THSD7A: variants seen among roughly 807,000 people sequenced by gnomAD.
THSD7A encodes the protein thrombospondin type-1 domain-containing protein 7A.
Under a neutral mutation model 231.3 loss-of-function variants are expected in THSD7A, and 96 were observed. That is an observed-to-expected ratio of 0.41 (90% CI 0.35 to 0.49). The LOEUF is 0.49. THSD7A is among the 20% of genes least tolerant of loss of function. The probability of loss-of-function intolerance (pLI) is 0.05; values close to 1 mark genes in which losing one functional copy is unlikely to be tolerated. For synonymous variants in THSD7A, 940 were observed against 743.3 expected (o/e 1.26, Z -4.30); for missense variants, 2,290 against 2,070.2 (o/e 1.11, Z -2.06).
At chr7:11,678,752 C>T (rs1201555734) in intron 1 of THSD7A, among the ~76,000 whole-genome samples, 2 of 152,198 alleles carry the variant, frequency 1.3e-5, no homozygotes, top group East Asian at 1.9e-4. Context: ...GATTCACAGC[C>T]GAATTCTACC....
chr7:11,506,873 C>A (rs1043919602), intron 6 of THSD7A, among the ~76,000 whole-genome samples: 3 of 138,396 alleles, frequency 2.2e-5, no homozygotes, highest in African/African-American at 5.3e-5. Context: ...ATCACCGTAC[C>A]CCTTTGTTTT....
intron 6 of THSD7A, among the ~76,000 whole-genome samples, chr7:11,510,452 C>A (rs1003551256): frequency 3.3e-5 from 5 of 152,144 alleles, no homozygotes; most frequent in African/African-American, 4.8e-5. Context: ...GATACCAAAG[C>A]CTGGCAGACA....
In THSD7A at chr7:11,406,851, C is replaced by T; in HGVS notation, c.4062+59G>A. 2 of 1,559,676 alleles carry T rather than the reference C, an allele frequency of 1.3e-6. No homozygotes were observed. The highest frequency in any genetic ancestry group is 2.3e-5 in the East Asian group (1 of 44,194). Reference sequence around the variant, plus strand: ...AACACATTATTTTTATGTTTTTCTGCAGATGAAGTCTCTGCAGATAGAGTA... The same window carrying T: ...AACACATTATTTTTATGTTTTTCTGTAGATGAAGTCTCTGCAGATAGAGTA... On this transcript the variant is annotated intron_variant, in intron 21 of 27. Transcript: ENST00000423059. The surrounding 1 kb of genome is among the most constrained non-coding windows in gnomAD (Gnocchi z 4.7).
At chr7:11,490,309 C>A (rs188954290) in intron 6 of THSD7A, among the ~76,000 whole-genome samples, 1 of 152,202 alleles carries the variant, frequency 6.6e-6, no homozygotes, top group East Asian at 1.9e-4. Flanking sequence ...CCAATCATAA[C>A]TTTGCATTTT....
At chr7:11,413,133 T>A (rs913392759) in intron 17 of THSD7A, among the ~76,000 whole-genome samples, 28 of 151,560 alleles carry the variant, frequency 1.8e-4, no homozygotes, top group African/African-American at 6.3e-4. Flanking sequence ...TATAATTATA[T>A]GTTTGTGGAT....
chr7:11,745,165 G>A (rs559057164), intron 1 of THSD7A, among the ~76,000 whole-genome samples: 68 of 152,164 alleles, frequency 4.5e-4, no homozygotes, highest in African/African-American at 1.6e-3. Flanking sequence ...TCTCATTGTG[G>A]TTTTGATTTG....
In THSD7A at chr7:11,446,846, A is replaced by T. The variant is rs1306293166; in HGVS notation, c.2800+384T>A. Among the ~76,000 whole-genome samples, 4 of 152,142 alleles carry T rather than the reference A, an allele frequency of 2.6e-5. No homozygotes were observed. The highest frequency in any genetic ancestry group is 5.9e-5 in the Non-Finnish European group (4 of 68,012). On this transcript the variant is annotated intron_variant, in intron 12 of 27. Coordinates refer to ENST00000423059, the MANE Select transcript of THSD7A (RefSeq NM_015204.3). The surrounding 1 kb of genome is among the most constrained non-coding windows in gnomAD (Gnocchi z 4.0). ...TTTTCAGATACAGAATTAATGCTAT[A>T]TTCCCCCTTCTAGGTGAGAAAGGAT...
chr7:11,830,725 T>C (rs2128189568), intron 1 of THSD7A, among the ~76,000 whole-genome samples: 1 of 152,310 alleles, frequency 6.6e-6, no homozygotes, highest in East Asian at 1.9e-4. Context: ...AGCTGTCTCT[T>C]CAGTAGTGGT....
At chr7:11,701,531 C>T (rs1379542188) in intron 1 of THSD7A, among the ~76,000 whole-genome samples, 1 of 150,906 alleles carries the variant, frequency 6.6e-6, no homozygotes, top group Non-Finnish European at 1.5e-5. Flanking sequence ...ATCTTTTTGC[C>T]TTAGCTACAT....
At chr7:11,821,708 C>T (rs1784881247) in intron 1 of THSD7A, among the ~76,000 whole-genome samples, 2 of 152,088 alleles carry the variant, frequency 1.3e-5, no homozygotes, top group South Asian at 4.1e-4. Flanking sequence ...TCCCCTGTGA[C>T]TTGGAACCTC....
chr7:11,527,586 A>T (rs1329948680), intron 6 of THSD7A, among the ~76,000 whole-genome samples: 1 of 152,166 alleles, frequency 6.6e-6, no homozygotes, highest in Non-Finnish European at 1.5e-5. Flanking sequence ...TTCCATAGAC[A>T]ATTAACTTGT....
rs967706482 is a variant in THSD7A, at chr7:11,482,129, T to C, written c.1823-147A>G. Reference sequence around the variant, plus strand: ...TAGCCAAAAGAGGGATTGCCTACTATAGCCAGATGTTAATAGAACACCAGG... The same window carrying C: ...TAGCCAAAAGAGGGATTGCCTACTACAGCCAGATGTTAATAGAACACCAGG... On this transcript the variant is annotated intron_variant, in intron 6 of 27. Transcript: ENST00000423059. 4 of 772,516 alleles carry C rather than the reference T, an allele frequency of 5.2e-6. No homozygotes were observed. The East Asian group carries it at 8.1e-5, about 16-fold the overall frequency. 47.9% of individuals were successfully genotyped at this position (772,516 alleles called of 1,614,324 possible).
At chr7:11,505,640 G>A (rs920141423) in intron 6 of THSD7A, among the ~76,000 whole-genome samples, 3 of 152,110 alleles carry the variant, frequency 2.0e-5, no homozygotes, top group Non-Finnish European at 4.4e-5. Context: ...AGGCTTGGAT[G>A]GGTTCAGGAA....
chr7:11,451,216 T>C (rs1326078915), intron 11 of THSD7A, among the ~76,000 whole-genome samples: 1 of 151,960 alleles, frequency 6.6e-6, no homozygotes, highest in African/African-American at 2.4e-5. Flanking sequence ...ACCTAAGAAA[T>C]ACACGAACCA....
intron 6 of THSD7A, among the ~76,000 whole-genome samples, chr7:11,483,604 A>G (rs1183635512): frequency 6.6e-6 from 1 of 152,148 alleles, no homozygotes; most frequent in African/African-American, 2.4e-5. Flanking sequence ...ATTATTGTAT[A>G]AGGCATTTAA....
chr7:11,581,306 T>C (rs959173590), intron 4 of THSD7A, among the ~76,000 whole-genome samples: 2 of 152,154 alleles, frequency 1.3e-5, no homozygotes, highest in Non-Finnish European at 2.9e-5. Context: ...CTATTGTTTG[T>C]AGTCTATTAA....
chr7:11,568,986 C>CAAAAA (rs34929385), intron 4 of THSD7A, among the ~76,000 whole-genome samples: 24 of 143,068 alleles, frequency 1.7e-4, no homozygotes, highest in African/African-American at 4.2e-4. Flanking sequence ...ACAATAGCTA[C>CAAAAA]AAAAAAAAAA....
chr7:11,529,781 T>C (rs979861229), intron 6 of THSD7A, among the ~76,000 whole-genome samples: 4 of 152,156 alleles, frequency 2.6e-5, no homozygotes, highest in Non-Finnish European at 5.9e-5. Context: ...AATGTGAGGA[T>C]ACACTAATAC....
chr7:11,766,620 A>T (rs1415714423), intron 1 of THSD7A, among the ~76,000 whole-genome samples: 1 of 152,170 alleles, frequency 6.6e-6, no homozygotes, highest in Non-Finnish European at 1.5e-5. Flanking sequence ...AATATATGAA[A>T]CAAGCAAAAT....
Sources: allele counts gnomAD v4.1 joint callset (sites outside exome capture counted in the v4.1 genomes callset), GRCh38; gene constraint gnomAD v4.1.1; non-coding constraint Gnocchi (gnomAD v3.1); transcripts MANE v1.5; gene names NCBI Gene and HGNC (gene_info 2026-07-23, HGNC 2026-07-21).